BCR: variants seen among roughly 807,000 people sequenced by gnomAD.
BCR encodes the protein BCR activator of RhoGEF and GTPase, also known as breakpoint cluster region protein.
BCR carries 58 observed loss-of-function variants against 138.6 expected under a neutral mutation model. The observed-to-expected ratio is 0.42, with a 90% CI of 0.34 to 0.52. The LOEUF (loss-of-function observed/expected upper bound fraction) is 0.52. Among genes scored for constraint, BCR ranks in the 20% least tolerant of loss-of-function variants. The pLI is 0.06. For missense variants in BCR, 1,599 were observed against 1,727.2 expected, an observed-to-expected ratio of 0.93 and a Z score of 1.32; for synonymous variants, 786 against 730.1, an observed-to-expected ratio of 1.08 and a Z score of -1.23.
chr22:23,238,078 C>T (rs892773429), intron 1 of BCR, among the ~76,000 whole-genome samples: 5 of 151,798 alleles, frequency 3.3e-5, no homozygotes, highest in African/African-American at 7.3e-5. Context: ...GTGTCATTAT[C>T]CCCATTTCAT....
Position 23,248,531 on chromosome 22 carries a change from C to T in BCR, c.1280-5268C>T, listed in dbSNP as rs908361113. Among the ~76,000 whole-genome samples, 4 of 151,850 alleles carry T rather than the reference C, an allele frequency of 2.6e-5. No individual in the cohort carries two copies. In the South Asian group the frequency reaches 8.3e-4, roughly 31 times the overall value. ...GGACCTAACCAGGCATTATTCTTTT[C>T]GCTATATTATTTTTATTTTTTGGCT... is the stretch of plus-strand genomic sequence containing the variant. On this transcript the variant is annotated intron_variant, in intron 1 of 22. Transcript: ENST00000305877.
At chr22:23,260,169 C>T (rs1407424140) in intron 2 of BCR, among the ~76,000 whole-genome samples, 1 of 152,170 alleles carries the variant, frequency 6.6e-6, no homozygotes, top group African/African-American at 2.4e-5. Flanking sequence ...GGGGCATGGG[C>T]TCTGTCCCCT....
chr22:23,292,703 A>G (rs1568977489), intron 15 of BCR, 65 bp downstream of exon 15: 7 of 1,429,030 alleles, frequency 4.9e-6, no homozygotes, highest in African/African-American at 1.4e-5. Context: ...TCCACTGGAG[A>G]TAATCTAAAC....
chr22:23,249,526 G>T (rs2073198893), intron 1 of BCR, among the ~76,000 whole-genome samples: 1 of 152,056 alleles, frequency 6.6e-6, no homozygotes, highest in South Asian at 2.1e-4. Flanking sequence ...GTTCACAGCT[G>T]CAGTGAGCTG....
At position 23,261,356 on chromosome 22, in the gene BCR, C is replaced by A; in HGVS notation, c.1568C>A (p.Pro523His). The change falls in exon 4 of 23, where the codon CCC (proline) becomes CAC (histidine). Residue 523 changes from proline to histidine, a missense_variant and splice_region_variant. Physicochemically the swap from Pro to His is moderately conservative, Grantham distance 77. Coordinates refer to ENST00000305877, the MANE Select transcript of BCR (RefSeq NM_004327.4). ...YLSHLEALLL[P>H]MKPLKAAATT... ...TACCTCACTTGTGCCCTCTTCCAGC[C>A]CATGAAGCCTTTGAAAGCCGCTGCC... 6.2e-7 allele frequency: 1 copy of A among 1,611,758 alleles called. No homozygotes were observed. Among genetic ancestry groups the A allele is most frequent in the Non-Finnish European group, 8.5e-7 (1 of 1,178,874 alleles).
Position 23,314,672 on chromosome 22 carries a change from T to C in BCR, c.3684T>C (p.Pro1228=), listed in dbSNP as rs55715766. The change falls in exon 22 of 23, where the codon CCT becomes CCC. Residue 1228 remains proline, a synonymous_variant. Transcript: ENST00000305877. ...ESKLPANPSQ[P]ITMTDSWSLE... ...AGCTCCCTGCCAACCCCAGCCAGCC[T>C]ATCACCATGACTGACAGCTGGTCCT... The C allele has an allele frequency of 4.7e-4, 756 of 1,611,086 alleles. No homozygotes were observed. Among genetic ancestry groups the C allele is most frequent in the East Asian group, 8.7e-4 (39 of 44,824 alleles).
intron 13 of BCR, 70 bp downstream of exon 13, chr22:23,289,691 C>A (rs750520313): frequency 1.5e-6 from 2 of 1,337,972 alleles, no homozygotes; most frequent in African/African-American, 2.9e-5. Context: ...AGGCTGATCC[C>A]CCCTTCCTGT....
intron 16 of BCR, among the ~76,000 whole-genome samples, chr22:23,301,759 A>AC (rs892773445): frequency 2.7e-4 from 41 of 150,164 alleles, no homozygotes; most frequent in African/African-American, 5.9e-4. Flanking sequence ...GTTCTTGGGG[A>AC]CCCCCCCGCC....
At position 23,315,592 on chromosome 22, in the gene BCR, A is replaced by G; in HGVS notation, c.*70A>G. 1 of 1,463,750 alleles carries G rather than the reference A, an allele frequency of 6.8e-7. No individual in the cohort carries two copies. The highest frequency in any genetic ancestry group is 2.3e-5 in the East Asian group (1 of 43,930). 90.7% of individuals were successfully genotyped at this position (1,463,750 alleles called of 1,614,324 possible). A position where few individuals can be genotyped will look rare whatever the true frequency, so the allele number is the denominator to read the frequency against. On this transcript the variant is annotated 3_prime_UTR_variant, in exon 23 of 23. Transcript: ENST00000305877. ...CTCTGGCTAATCGGGCCATCCGTAG[A>G]GCGGGAACCTTCCTGAGGTGTCCTT...
intron 1 of BCR, among the ~76,000 whole-genome samples, chr22:23,198,841 T>C (rs2072512977): frequency 6.6e-6 from 1 of 152,078 alleles, no homozygotes; most frequent in African/African-American, 2.4e-5. Flanking sequence ...CTAACAGGAC[T>C]GGGCACAGTA....
chr22:23,254,130 C>T (rs546478464), intron 2 of BCR, 150 bp downstream of exon 2: 2 of 873,676 alleles, frequency 2.3e-6, no homozygotes, highest in African/African-American at 3.4e-5. Context: ...CTCATCTCTA[C>T]ATGTGGTACA....
intron 11 of BCR, 115 bp from the exon 12 acceptor site, chr22:23,287,982 C>A: frequency 9.8e-7 from 1 of 1,021,728 alleles, no homozygotes; most frequent in Non-Finnish European, 1.5e-6. Context: ...CACCTGGCCA[C>A]TGGGCTCCAG....
At chr22:23,204,660 T>A (rs576616492) in intron 1 of BCR, among the ~76,000 whole-genome samples, 1 of 152,284 alleles carries the variant, frequency 6.6e-6, no homozygotes, top group South Asian at 2.1e-4. Context: ...GCTGGCTGAT[T>A]TGTTGTCCTC....
At position 23,316,980 on chromosome 22, in the gene BCR, C is replaced by T; in HGVS notation, c.*1458C>T. 2 of 145,224 alleles carry T rather than the reference C, an allele frequency of 1.4e-5. 1 individual carries two copies. Among genetic ancestry groups the T allele is most frequent in the Middle Eastern group, 3.6e-3 (2 of 548 alleles). The allele number at this position is 145,224 out of a possible 1,614,324, so 9.0% of individuals were successfully genotyped here. A position where few individuals can be genotyped will look rare whatever the true frequency, so the allele number is the denominator to read the frequency against. On this transcript the variant is annotated 3_prime_UTR_variant, in exon 23 of 23. Coordinates refer to ENST00000305877, the MANE Select transcript of BCR (RefSeq NM_004327.4). ...AGAGCCAAGTTTCCACACGGTCCTG[C>T]AGGAGGAGAGGATGCAGCTGCCCAG... is the stretch of plus-strand genomic sequence containing the variant.
chr22:23,190,781 A>G lies in BCR; in HGVS notation c.1279+8542A>G, dbSNP rs2072403245. Among the ~76,000 whole-genome samples, 4 of 152,270 alleles carry G rather than the reference A, an allele frequency of 2.6e-5. No individual in the cohort carries two copies. In the South Asian group the frequency reaches 8.3e-4, roughly 32 times the overall value. ...GGTTTTAGGCAGCCTAGAGGGGCCT[A>G]GAGGACACTGAGCCAGGCATCAGGA... On this transcript the variant is annotated intron_variant, in intron 1 of 22. Transcript: ENST00000305877.
intron 4 of BCR, chr22:23,263,574 C>G (rs1343263883): frequency 1.3e-6 from 2 of 1,561,984 alleles, no homozygotes; most frequent in Non-Finnish European, 1.8e-6. Flanking sequence ...CAGCTTGAAC[C>G]GTCAGCCTCT....
Position 23,252,427 on chromosome 22 carries a change from C to CTTTTTTTTTTTTTTTTTTT in BCR, c.1280-1368_1280-1367insTTTTTTTTTTTTTTTTTTT, listed in dbSNP as rs371986661. Among the ~76,000 whole-genome samples the CTTTTTTTTTTTTTTTTTTT allele has an allele frequency of 3.2e-4, 38 of 119,486 alleles. 2 individuals carry two copies. Among genetic ancestry groups the CTTTTTTTTTTTTTTTTTTT allele is most frequent in the Non-Finnish European group, 3.7e-4 (22 of 59,920 alleles). 78.4% of individuals were successfully genotyped at this position (119,486 alleles called of 152,430 possible). On this transcript the variant is annotated intron_variant, in intron 1 of 22. Coordinates refer to ENST00000305877, the MANE Select transcript of BCR (RefSeq NM_004327.4). ...TTGGGTTTCCCTTTCTTTTTCTTTT[C>CTTTTTTTTTTTTTTTTTTT]TTTTCTTTTTTTTTTTTTTTTGAGA... is the stretch of plus-strand genomic sequence containing the variant.
chr22:23,260,762 A>T, intron 2 of BCR, 188 bp from the exon 3 acceptor site: 2 of 582,902 alleles, frequency 3.4e-6, no homozygotes, highest in Non-Finnish European at 6.2e-6. Context: ...CGGGATTCTC[A>T]GTGACTGTGA....
intron 1 of BCR, among the ~76,000 whole-genome samples, chr22:23,253,461 C>T (rs1230753694): frequency 2.0e-5 from 3 of 152,214 alleles, no homozygotes; most frequent in Non-Finnish European, 4.4e-5. Context: ...ACATGTATTA[C>T]TTTGGAGATT....
Sources: gnomAD v4.1 joint callset for allele counts (sites outside exome capture counted in the v4.1 genomes callset) on GRCh38, gnomAD v4.1.1 for gene constraint, MANE v1.5 for transcripts, NCBI Gene and HGNC (gene_info 2026-07-23, HGNC 2026-07-21) for gene names.